Variants in AHCYL1 observed in about 807,000 individuals in gnomAD.
AHCYL1 encodes the protein S-adenosylhomocysteine hydrolase-like protein 1.
AHCYL1 carries 20 observed loss-of-function variants against 79.3 expected under a neutral mutation model. The ratio of observed to expected loss-of-function variants is 0.25; its 90% confidence interval spans 0.18 to 0.37. The LOEUF (loss-of-function observed/expected upper bound fraction) is 0.37, where lower values mean the gene tolerates loss of function less well. Ranked by LOEUF, AHCYL1 falls within the 10% of genes least tolerant of loss-of-function variation. AHCYL1 has a pLI of 1.00. For missense variants in AHCYL1, 330 were observed against 673.6 expected, an observed-to-expected ratio of 0.49 and a Z score of 5.65; for synonymous variants, 223 against 242.2, an observed-to-expected ratio of 0.92 and a Z score of 0.74.
chr1:109,992,156 C>T (rs141055913), intron 1 of AHCYL1, among the ~76,000 whole-genome samples: 1 of 152,064 alleles, frequency 6.6e-6, no homozygotes, highest in Non-Finnish European at 1.5e-5. Context: ...CGCCTGTAAT[C>T]CCAGCACTTT....
chr1:110,006,742 C>G (rs775925758), intron 1 of AHCYL1, among the ~76,000 whole-genome samples: 8 of 152,160 alleles, frequency 5.3e-5, no homozygotes, highest in Non-Finnish European at 1.2e-4. Context: ...CACACATTCT[C>G]TTCAGGCTGT....
At chr1:110,011,834 G>A (rs896179601) in intron 3 of AHCYL1, among the ~76,000 whole-genome samples, 5 of 152,160 alleles carry the variant, frequency 3.3e-5, no homozygotes, top group Non-Finnish European at 5.9e-5. Flanking sequence ...TTAAATCTTG[G>A]TTTCTCTACC....
At chr1:109,989,271 T>G (rs1456590810) in intron 1 of AHCYL1, among the ~76,000 whole-genome samples, 1 of 152,238 alleles carries the variant, frequency 6.6e-6, no homozygotes, top group Non-Finnish European at 1.5e-5. Context: ...TCTAGATCAG[T>G]AGTTGTCTAG....
chr1:110,006,757 T>C (rs1650683153), intron 1 of AHCYL1, among the ~76,000 whole-genome samples: 1 of 152,202 alleles, frequency 6.6e-6, no homozygotes, highest in African/African-American at 2.4e-5. Context: ...GGCTGTAATT[T>C]GGGGTGGAAG....
chr1:109,989,688 C>T (rs796655780), intron 1 of AHCYL1, among the ~76,000 whole-genome samples: 6 of 152,146 alleles, frequency 3.9e-5, no homozygotes, highest in African/African-American at 1.4e-4. Context: ...AAGGAACTGG[C>T]GAATAAAGGA....
chr1:109,991,643 C>G (rs1488567223), intron 1 of AHCYL1, among the ~76,000 whole-genome samples: 4 of 152,170 alleles, frequency 2.6e-5, no homozygotes, highest in Admixed American at 2.0e-4. Context: ...CTCTCCGGAA[C>G]CTGCGAGTGT....
chr1:110,003,497 C>T (rs929081186), intron 1 of AHCYL1, among the ~76,000 whole-genome samples: 8 of 150,572 alleles, frequency 5.3e-5, no homozygotes, highest in Non-Finnish European at 4.4e-5. Flanking sequence ...ATGGTGCTAG[C>T]GAGTGGGGAT....
chr1:110,002,790 T>C (rs1037414658), intron 1 of AHCYL1, among the ~76,000 whole-genome samples: 1 of 152,256 alleles, frequency 6.6e-6, no homozygotes, highest in Non-Finnish European at 1.5e-5. Flanking sequence ...CAACCCGACA[T>C]GTGCCTCCTG....
intron 1 of AHCYL1, among the ~76,000 whole-genome samples, chr1:109,997,796 C>A (rs1331380620): frequency 6.6e-6 from 1 of 152,216 alleles, no homozygotes; most frequent in Non-Finnish European, 1.5e-5. Flanking sequence ...TCCACCTTTA[C>A]CTCCCTGAAA....
intron 4 of AHCYL1, 81 bp from the exon 5 acceptor site, chr1:110,012,816 A>G (rs1651127775): frequency 9.5e-7 from 1 of 1,053,828 alleles, no homozygotes; most frequent in African/African-American, 1.6e-5. Flanking sequence ...GTTGATAGGT[A>G]TTGCTATCTT....
chr1:110,018,692 G>A, intron 13 of AHCYL1, 42 bp downstream of exon 13: 15 of 1,546,808 alleles, frequency 9.7e-6, no homozygotes, highest in African/African-American at 1.4e-5. Context: ...CACAAGCAGA[G>A]TAGTTAGATC....
chr1:110,000,808 G>A, intron 1 of AHCYL1: 1 of 303,334 alleles, frequency 3.3e-6, no homozygotes, highest in Non-Finnish European at 4.8e-6. Context: ...CCTTAAGCAA[G>A]TCACTTAGCC....
intron 4 of AHCYL1, among the ~76,000 whole-genome samples, 192 bp from the exon 5 acceptor site, chr1:110,012,705 C>T (rs1410073884): frequency 6.6e-6 from 1 of 152,140 alleles, no homozygotes; most frequent in Admixed American, 6.5e-5. Context: ...GTTATAAAGA[C>T]TTTTAGAAAC....
chr1:110,012,563 G>T lies in AHCYL1; in HGVS notation c.477+101G>T, dbSNP rs995494029. The T allele has an allele frequency of 4.1e-6, 4 of 970,556 alleles. No homozygotes were observed. In the African/African-American group the frequency reaches 6.7e-5, roughly 16 times the overall value. 60.1% of individuals were successfully genotyped at this position (970,556 alleles called of 1,614,324 possible). A position where few individuals can be genotyped will look rare whatever the true frequency, so the allele number is the denominator to read the frequency against. On this transcript the variant is annotated intron_variant, in intron 4 of 16. Coordinates refer to ENST00000369799, the MANE Select transcript of AHCYL1 (RefSeq NM_006621.7). ...TTTCCTAACTCGCCAACCTCCAAAT[G>T]CTAACTATTAATAGGATCTCCCTGT...
chr1:110,001,687 A>C (rs1447144264), intron 1 of AHCYL1, among the ~76,000 whole-genome samples: 5 of 152,206 alleles, frequency 3.3e-5, no homozygotes, highest in African/African-American at 1.2e-4. Flanking sequence ...AAACCAGTGA[A>C]AATGGGGAGG....
At chr1:110,018,763 G>GGA (rs1651593208) in intron 13 of AHCYL1, 113 bp downstream of exon 13, 2 of 1,078,574 alleles carry the variant, frequency 1.9e-6, no homozygotes, top group Middle Eastern at 3.0e-4. Context: ...TTTTATCTTT[G>GGA]GAGAGAGAGA....
intron 1 of AHCYL1, among the ~76,000 whole-genome samples, chr1:109,987,642 CTTTG>C (rs1361470573): frequency 1.3e-5 from 2 of 152,214 alleles, no homozygotes; most frequent in Middle Eastern, 3.4e-3. Flanking sequence ...ATTTTGTTTG[CTTTG>C]TTTGAGATAG....
intron 1 of AHCYL1, chr1:110,001,126 T>C (rs1337771042): frequency 4.7e-6 from 1 of 210,886 alleles, no homozygotes; most frequent in Non-Finnish European, 8.2e-6. Context: ...AATATTTAGA[T>C]CAGTGATATT....
rs532468523 is a variant in AHCYL1 at position 110,008,912 on chromosome 1, C to G, written c.121-122C>G. The G allele has an allele frequency of 1.6e-5, 11 of 667,430 alleles. No individual in the cohort carries two copies. The Admixed American group carries it at 2.0e-4, about 12-fold the overall frequency. 41.3% of individuals were successfully genotyped at this position (667,430 alleles called of 1,614,324 possible). A position where few individuals can be genotyped will look rare whatever the true frequency, so the allele number is the denominator to read the frequency against. The stretch of plus-strand genomic sequence containing the variant: ...TCCCCCATTTCTGGTGGGAAAGTTG[C>G]TGGCTTAGTAGGAACCATGTGATTA... On this transcript the variant is annotated intron_variant, in intron 1 of 16. Coordinates refer to ENST00000369799, the MANE Select transcript of AHCYL1 (RefSeq NM_006621.7).
Sources: gnomAD v4.1 joint callset for allele counts (sites outside exome capture counted in the v4.1 genomes callset) on GRCh38, gnomAD v4.1.1 for gene constraint, MANE v1.5 for transcripts, NCBI Gene and HGNC (gene_info 2026-07-23, HGNC 2026-07-21) for gene names.